SPIRE1: variants seen among roughly 807,000 people sequenced by gnomAD.
SPIRE1 encodes the protein spire type actin nucleation factor 1, also known as protein spire homolog 1.
A neutral mutation model predicts 94.1 loss-of-function variants in SPIRE1; 40 were observed. That is an observed-to-expected ratio of 0.43 (90% confidence interval 0.33 to 0.55). SPIRE1 has a LOEUF of 0.55. Among genes scored for constraint, SPIRE1 ranks in the 20% least tolerant of loss-of-function variants. The probability of loss-of-function intolerance (pLI) is 0.06; values close to 1 mark genes in which losing one functional copy is unlikely to be tolerated. For missense variants in SPIRE1, 838 were observed against 975.2 expected, an observed-to-expected ratio of 0.86 and a Z score of 1.87; for synonymous variants, 376 against 371.7, an observed-to-expected ratio of 1.01 and a Z score of -0.13.
intron 7 of SPIRE1, 40 bp from the exon 8 acceptor site, chr18:12,493,241 A>G (rs1352123809): frequency 6.3e-7 from 1 of 1,580,962 alleles, no homozygotes; most frequent in South Asian, 1.2e-5. Context: ...TCAGTAATTA[A>G]GTAATTTTTA....
At chr18:12,521,017 G>A (rs1049646146) in intron 4 of SPIRE1, among the ~76,000 whole-genome samples, 1 of 152,102 alleles carries the variant, frequency 6.6e-6, no homozygotes, top group African/African-American at 2.4e-5. Flanking sequence ...AGATTGGGGG[G>A]TGGAAAATAC....
intron 7 of SPIRE1, among the ~76,000 whole-genome samples, chr18:12,494,305 G>A (rs754997406): frequency 2.2e-4 from 34 of 152,042 alleles, no homozygotes; most frequent in Non-Finnish European, 4.7e-4. Context: ...TTTTATAATT[G>A]AGGAAATAAA....
At chr18:12,630,262 A>G (rs2037739589) in intron 2 of SPIRE1, among the ~76,000 whole-genome samples, 1 of 152,230 alleles carries the variant, frequency 6.6e-6, no homozygotes, top group African/African-American at 2.4e-5. Flanking sequence ...GCCTTGCTTA[A>G]GAAGGACTTC....
chr18:12,623,834 G>A (rs1452202987), intron 2 of SPIRE1, among the ~76,000 whole-genome samples: 1 of 151,534 alleles, frequency 6.6e-6, no homozygotes, highest in Non-Finnish European at 1.5e-5. Context: ...CACCATATTG[G>A]CCAGGCTGGT....
At chr18:12,482,850 A>G (rs1042884417) in intron 9 of SPIRE1, among the ~76,000 whole-genome samples, 6 of 152,170 alleles carry the variant, frequency 3.9e-5, no homozygotes, top group Admixed American at 2.0e-4. Flanking sequence ...TTAATAAAAA[A>G]CGGGTTATGT....
At chr18:12,608,847 T>C (rs1480775581) in intron 2 of SPIRE1, among the ~76,000 whole-genome samples, 2 of 152,124 alleles carry the variant, frequency 1.3e-5, no homozygotes, top group Non-Finnish European at 2.9e-5. Context: ...GAAACTGAGG[T>C]TCCATAAGGT....
chr18:12,479,106 C>A (rs2032739048), intron 10 of SPIRE1, among the ~76,000 whole-genome samples: 1 of 151,212 alleles, frequency 6.6e-6, no homozygotes. Flanking sequence ...TGTTTTAACC[C>A]CACATATAAT....
At chr18:12,557,271 C>G (rs1386116201) in intron 2 of SPIRE1, among the ~76,000 whole-genome samples, 1 of 152,224 alleles carries the variant, frequency 6.6e-6, no homozygotes, top group Non-Finnish European at 1.5e-5. Flanking sequence ...TCAGGCATGG[C>G]AGGCTGCAGG....
In SPIRE1 at chr18:12,558,166, G is replaced by A. The variant is rs113871924; in HGVS notation, c.373-11262C>T. On this transcript the variant is annotated intron_variant, in intron 2 of 16. Transcript: ENST00000409402. ...TCCAGTTCTTAAAGATGGTGTGCCC[G>A]GAGTTTCTTCCTTCAAATGTTTAGA... Among the ~76,000 whole-genome samples the A allele has an allele frequency of 3.4e-4, 52 of 152,298 alleles. No homozygotes were observed. In the South Asian group the frequency reaches 3.7e-3, roughly 11 times the overall value.
At chr18:12,648,995 T>G (rs911788649) in intron 1 of SPIRE1, among the ~76,000 whole-genome samples, 7 of 152,116 alleles carry the variant, frequency 4.6e-5, no homozygotes, top group Non-Finnish European at 1.0e-4. Context: ...TGTTGTTTTT[T>G]CAGTTTTGAC....
chr18:12,647,271 T>C (rs2038253025), intron 1 of SPIRE1, among the ~76,000 whole-genome samples: 3 of 152,164 alleles, frequency 2.0e-5, no homozygotes, highest in Non-Finnish European at 4.4e-5. Context: ...TGACCATACA[T>C]CATGAATTAG....
chr18:12,489,290 A>C (rs1174375423), intron 8 of SPIRE1, among the ~76,000 whole-genome samples: 1 of 152,236 alleles, frequency 6.6e-6, no homozygotes, highest in Non-Finnish European at 1.5e-5. Flanking sequence ...CCGTACTTCT[A>C]AACTCCTATA....
At chr18:12,565,762 G>A (rs1034325461) in intron 2 of SPIRE1, among the ~76,000 whole-genome samples, 16 of 151,136 alleles carry the variant, frequency 1.1e-4, no homozygotes, top group Admixed American at 2.0e-4. Context: ...TTGGCCGGGC[G>A]CGGTGGCTCA....
chr18:12,658,220 G>A (rs1453922035), upstream of SPIRE1: 10 of 545,880 alleles, frequency 1.8e-5, no homozygotes, highest in South Asian at 9.3e-5. Context: ...GGACCAGGCA[G>A]GAGGGCCTCG....
rs968382225 is a variant in SPIRE1, at chr18:12,603,725, A to T, written c.372+31337T>A. Among the ~76,000 whole-genome samples the T allele has an allele frequency of 7.9e-5, 12 of 151,848 alleles. 1 individual carries two copies. The highest frequency in any genetic ancestry group is 2.4e-4 in the African/African-American group (10 of 41,288). ...GAGTAGCTGGGACTACAGGTGCCCG[A>T]CACCACGCCTGGCTAATTTTTGTAT... On this transcript the variant is annotated intron_variant, in intron 2 of 16. Coordinates refer to ENST00000409402, the MANE Select transcript of SPIRE1 (RefSeq NM_001128626.2).
chr18:12,466,581 A>G (rs2143640050), intron 10 of SPIRE1, among the ~76,000 whole-genome samples: 1 of 152,356 alleles, frequency 6.6e-6, no homozygotes, highest in South Asian at 2.1e-4. Flanking sequence ...CGTCCAGCCT[A>G]TAGGCATTTT....
At chr18:12,468,332 T>C (rs1045395049) in intron 10 of SPIRE1, among the ~76,000 whole-genome samples, 4 of 152,188 alleles carry the variant, frequency 2.6e-5, no homozygotes, top group Non-Finnish European at 5.9e-5. Context: ...GCTCAAAGAA[T>C]GGCAACATCT....
intron 12 of SPIRE1, among the ~76,000 whole-genome samples, chr18:12,458,338 G>A (rs190656997): frequency 3.2e-4 from 49 of 151,332 alleles, no homozygotes; most frequent in East Asian, 1.6e-3. Context: ...AAGGCCAGGC[G>A]CAGTGGCTCA....
At chr18:12,580,425 G>A (rs1445336866) in intron 2 of SPIRE1, among the ~76,000 whole-genome samples, 1 of 152,026 alleles carries the variant, frequency 6.6e-6, no homozygotes, top group African/African-American at 2.4e-5. Context: ...CCAGGTTCAA[G>A]CGATTCTCCT....
Sources: gnomAD v4.1 joint callset for allele counts (sites outside exome capture counted in the v4.1 genomes callset) on GRCh38, gnomAD v4.1.1 for gene constraint, MANE v1.5 for transcripts, NCBI Gene and HGNC (gene_info 2026-07-23, HGNC 2026-07-21) for gene names.